Variants in RASAL2 observed in about 807,000 individuals in gnomAD.
The protein encoded by RASAL2 is ras GTPase-activating protein nGAP.
A neutral mutation model predicts 128.9 loss-of-function variants in RASAL2; 58 were observed. That is an observed-to-expected ratio of 0.45 (90% confidence interval 0.36 to 0.56). The LOEUF (loss-of-function observed/expected upper bound fraction) is 0.56. Ranked by LOEUF, RASAL2 falls within the 20% of genes least tolerant of loss-of-function variation. The pLI, the probability that RASAL2 is intolerant of heterozygous loss-of-function variation, is 0.00. For synonymous variants in RASAL2, 561 were observed against 580.8 expected (o/e 0.97, Z 0.49); for missense variants, 1,360 against 1,601.6 (o/e 0.85, Z 2.57).
intron 3 of RASAL2, among the ~76,000 whole-genome samples, chr1:178,318,088 T>C (rs957043153): frequency 9.2e-5 from 14 of 152,294 alleles, no homozygotes; most frequent in African/African-American, 3.4e-4. Context: ...TCAGTTTCCA[T>C]GTAGTTGAGC....
intron 5 of RASAL2, among the ~76,000 whole-genome samples, chr1:178,422,051 C>T (rs577967613): frequency 8.6e-5 from 13 of 151,960 alleles, no homozygotes; most frequent in African/African-American, 2.9e-4. Context: ...TGTTGTGCAG[C>T]AAATAAAACA....
chr1:178,311,342 A>G (rs949876019), intron 3 of RASAL2, among the ~76,000 whole-genome samples: 1 of 152,046 alleles, frequency 6.6e-6, no homozygotes, highest in Admixed American at 6.6e-5. Flanking sequence ...TACTTAAGAA[A>G]GCCAAATCTT....
chr1:178,207,375 A>G (rs748763450), intron 1 of RASAL2, among the ~76,000 whole-genome samples: 3 of 152,208 alleles, frequency 2.0e-5, no homozygotes, highest in Non-Finnish European at 4.4e-5. Flanking sequence ...TAACAATAAA[A>G]ATAACACAAA....
rs370831543 is a variant in RASAL2, at chr1:178,318,890, G to A, written c.457+18772G>A. Among the ~76,000 whole-genome samples the A allele has an allele frequency of 1.5e-3, 229 of 152,080 alleles. 1 individual carries two copies. Among genetic ancestry groups the A allele is most frequent in the Middle Eastern group, 0.01 (3 of 294 alleles). ...GTTGATGCAGTTTCTGCCTAGTCTC[G>A]ATGGTCTTTACATTTTGGCATGATT... On this transcript the variant is annotated intron_variant, in intron 3 of 17. Transcript: ENST00000367649.
chr1:178,433,201 A>G (rs552331145), intron 5 of RASAL2, among the ~76,000 whole-genome samples: 86 of 152,154 alleles, frequency 5.7e-4, no homozygotes, highest in Non-Finnish European at 4.3e-4. Context: ...TTCACATGCT[A>G]TCCATTTTCT....
Position 178,456,752 on chromosome 1 carries a change from G to A in RASAL2, c.2243G>A (p.Arg748His), listed in dbSNP as rs761936330. The change falls in exon 13 of 18, where the codon CGT (arginine) becomes CAT (histidine). Residue 748 changes from arginine (R) to histidine (H), a missense_variant. Around this residue, in one of 3 missense-constraint regions of RASAL2, gnomAD observed 741 missense variants for 868.6 expected, o/e 0.85. Coordinates refer to ENST00000367649, the MANE Select transcript of RASAL2 (RefSeq NM_170692.4). ...ATVAKLGPLP[R>H]VLADITKSLT... Reference sequence around the variant, plus strand: ...GTGGCAAAATTGGGGCCTCTCCCTCGTGTTCTTGCTGATATTACCAAGTCA... The same window carrying A: ...GTGGCAAAATTGGGGCCTCTCCCTCATGTTCTTGCTGATATTACCAAGTCA... 2.4e-5 allele frequency: 38 copies of A among 1,613,926 alleles called. No individual in the cohort carries two copies. Among genetic ancestry groups the A allele is most frequent in the Middle Eastern group, 1.6e-4 (1 of 6,084 alleles).
intron 1 of RASAL2, among the ~76,000 whole-genome samples, chr1:178,159,786 A>G (rs1661211135): frequency 6.6e-6 from 1 of 151,980 alleles, no homozygotes. Flanking sequence ...AAAGTTGATT[A>G]TCCCAGCTAC....
chr1:178,110,449 TA>T, intron 1 of RASAL2, among the ~76,000 whole-genome samples: 1 of 150,656 alleles, frequency 6.6e-6, no homozygotes, highest in East Asian at 1.9e-4. Flanking sequence ...TAATACAATG[TA>T]AATTCTATGT....
chr1:178,264,250 C>T (rs1325264074), intron 1 of RASAL2, among the ~76,000 whole-genome samples: 1 of 152,214 alleles, frequency 6.6e-6, no homozygotes, highest in African/African-American at 2.4e-5. Flanking sequence ...CTAGTTTCTG[C>T]TCCACAGAGG....
chr1:178,108,682 T>TAA (rs1659188177), intron 1 of RASAL2, among the ~76,000 whole-genome samples: 1 of 152,178 alleles, frequency 6.6e-6, no homozygotes. Context: ...AGAATGCAAA[T>TAA]AGTTATTATA....
intron 4 of RASAL2, among the ~76,000 whole-genome samples, chr1:178,397,802 A>G (rs1427932056): frequency 4.0e-5 from 6 of 148,150 alleles, no homozygotes; most frequent in East Asian, 2.0e-4. Context: ...TTTTGGAGAG[A>G]TGGGATCTTG....
chr1:178,443,893 T>C (rs1557994565), intron 8 of RASAL2, among the ~76,000 whole-genome samples: 1 of 152,166 alleles, frequency 6.6e-6, no homozygotes, highest in Non-Finnish European at 1.5e-5. Flanking sequence ...ACCGTTATAC[T>C]GTATGCAAAC....
chr1:178,259,191 C>T (rs1294636280), intron 1 of RASAL2, among the ~76,000 whole-genome samples: 2 of 128,764 alleles, frequency 1.6e-5, no homozygotes, highest in African/African-American at 3.1e-5. Flanking sequence ...AGTGCAGTGG[C>T]GCAATCTCGG....
intron 1 of RASAL2, among the ~76,000 whole-genome samples, chr1:178,238,764 G>A (rs1457841631): frequency 6.6e-6 from 1 of 152,014 alleles, no homozygotes; most frequent in East Asian, 1.9e-4. Flanking sequence ...GTGATCTAGA[G>A]TTTTCAACTG....
At chr1:178,117,841 T>C (rs914612875) in intron 1 of RASAL2, among the ~76,000 whole-genome samples, 3 of 152,172 alleles carry the variant, frequency 2.0e-5, no homozygotes, top group African/African-American at 7.2e-5. Context: ...TATTTTGTTA[T>C]AGCAGCCCAA....
intron 3 of RASAL2, among the ~76,000 whole-genome samples, chr1:178,364,507 C>G (rs1423379050): frequency 2.6e-5 from 4 of 152,200 alleles, no homozygotes; most frequent in Non-Finnish European, 2.9e-5. Flanking sequence ...AATAGCACCT[C>G]ACGTACTACC....
intron 5 of RASAL2, among the ~76,000 whole-genome samples, chr1:178,426,317 A>G (rs1675512936): frequency 6.6e-6 from 1 of 152,206 alleles, no homozygotes. Flanking sequence ...TTCATCAGCA[A>G]TAAAAAGAGT....
chr1:178,260,601 T>C (rs900308487), intron 1 of RASAL2, among the ~76,000 whole-genome samples: 3 of 151,018 alleles, frequency 2.0e-5, no homozygotes, highest in African/African-American at 7.3e-5. Context: ...AAAAAACAAA[T>C]TCACTTACAG....
intron 1 of RASAL2, among the ~76,000 whole-genome samples, chr1:178,209,364 A>G (rs1663173571): frequency 6.6e-6 from 1 of 152,172 alleles, no homozygotes; most frequent in South Asian, 2.1e-4. Context: ...ATTATCAAGT[A>G]GCTTCCTAAG....
Sources: gnomAD v4.1 joint callset for allele counts (sites outside exome capture counted in the v4.1 genomes callset) on GRCh38, gnomAD v4.1.1 for gene constraint, gnomAD v4.1.1 regional missense constraint, MANE v1.5 for transcripts, NCBI Gene and HGNC (gene_info 2026-07-23, HGNC 2026-07-21) for gene names.